The following SAMD12 variants were observed in gnomAD, a reference collection of about 807,000 sequenced individuals.
SAMD12 encodes sterile alpha motif domain containing 12.
In SAMD12, 9 loss-of-function variants were observed where a neutral mutation model predicts 15.0. The observed-to-expected ratio is 0.60, with a 90% CI of 0.36 to 1.05. The LOEUF (loss-of-function observed/expected upper bound fraction) is 1.05, where lower values mean the gene tolerates loss of function less well. Among genes scored for constraint, SAMD12 ranks in the 50% least tolerant of loss-of-function variants. The probability of loss-of-function intolerance (pLI) is 0.01; values close to 1 mark genes in which losing one functional copy is unlikely to be tolerated. For synonymous variants in SAMD12, 86 were observed against 90.1 expected, an observed-to-expected ratio of 0.96 and a Z score of 0.25; for missense variants, 230 against 234.2, an observed-to-expected ratio of 0.98 and a Z score of 0.12.
intron 4 of SAMD12, among the ~76,000 whole-genome samples, chr8:118,355,792 A>G (rs549627055): frequency 6.6e-6 from 1 of 152,346 alleles, no homozygotes; most frequent in Admixed American, 6.5e-5. Context: ...GCTTATATAT[A>G]CCACCCACTA....
At chr8:118,272,730 T>C (rs1813394910) in intron 4 of SAMD12, among the ~76,000 whole-genome samples, 2 of 152,216 alleles carry the variant, frequency 1.3e-5, no homozygotes, top group Non-Finnish European at 2.9e-5. Context: ...TCCCTTTACA[T>C]AGCAAGAGTC....
the SAMD12 span, among the ~76,000 whole-genome samples, chr8:118,170,083 A>G: frequency 6.6e-6 from 1 of 152,172 alleles, no homozygotes; most frequent in Admixed American, 6.5e-5. Context: ...TATATGCATC[A>G]TACATAGGGT....
At chr8:118,299,047 T>G (rs1360667641) in intron 4 of SAMD12, among the ~76,000 whole-genome samples, 4 of 152,198 alleles carry the variant, frequency 2.6e-5, no homozygotes, top group African/African-American at 9.6e-5. Flanking sequence ...GTACATGTTC[T>G]TATATCTGGG....
chr8:118,384,073 GAA>G (rs1819820303), intron 3 of SAMD12, among the ~76,000 whole-genome samples: 2 of 152,164 alleles, frequency 1.3e-5, no homozygotes, highest in Non-Finnish European at 2.9e-5. Flanking sequence ...GTTAGGATAG[GAA>G]AGGCCTCTCT....
At chr8:118,601,292 C>G (rs1827860488) in intron 1 of SAMD12, among the ~76,000 whole-genome samples, 1 of 152,030 alleles carries the variant, frequency 6.6e-6, no homozygotes, top group Non-Finnish European at 1.5e-5. Flanking sequence ...GTATCTTACT[C>G]TAGGATATTA....
intron 2 of SAMD12, among the ~76,000 whole-genome samples, chr8:118,565,514 A>C (rs553221255): frequency 6.6e-6 from 1 of 152,334 alleles, no homozygotes; most frequent in African/African-American, 2.4e-5. Flanking sequence ...GACCAGCAGA[A>C]AACCCCTTGG....
At chr8:118,271,974 G>T (rs1813364428) in intron 4 of SAMD12, among the ~76,000 whole-genome samples, 1 of 152,166 alleles carries the variant, frequency 6.6e-6, no homozygotes, top group Non-Finnish European at 1.5e-5. Context: ...ACAATTCTGA[G>T]GTCTGTAGGA....
At chr8:118,300,900 C>T (rs948171225) in intron 4 of SAMD12, among the ~76,000 whole-genome samples, 1 of 152,190 alleles carries the variant, frequency 6.6e-6, no homozygotes, top group African/African-American at 2.4e-5. Flanking sequence ...GTAAACACAT[C>T]TTACCTATTT....
At chr8:118,484,153 A>C (rs1824211059) in intron 2 of SAMD12, among the ~76,000 whole-genome samples, 1 of 152,212 alleles carries the variant, frequency 6.6e-6, no homozygotes, top group African/African-American at 2.4e-5. Context: ...ACATCAATGA[A>C]GTCAATTATG....
At chr8:118,332,189 G>T (rs1235165343) in intron 4 of SAMD12, among the ~76,000 whole-genome samples, 1 of 152,182 alleles carries the variant, frequency 6.6e-6, no homozygotes, top group Non-Finnish European at 1.5e-5. Context: ...CTCCTGAAAG[G>T]CTGAAAGTGT....
chr8:118,438,362 A>G (rs1026039314), intron 3 of SAMD12, among the ~76,000 whole-genome samples: 2 of 152,140 alleles, frequency 1.3e-5, no homozygotes, highest in Non-Finnish European at 2.9e-5. Context: ...GCAGGAATCT[A>G]GGATCATCTA....
Position 118,385,892 on chromosome 8 carries a change from T to C in SAMD12, c.323-6192A>G, listed in dbSNP as rs565053142. 5.3e-5 allele frequency among the ~76,000 whole-genome samples: 8 copies of C among 152,274 alleles called. 1 individual carries two copies. In the South Asian group the frequency reaches 1.7e-3, roughly 32 times the overall value. ...AAACAAGAAGAAGAAACTGAACATA[T>C]AGAGGGAAGAGGCTCCATTTCATTG... On this transcript the variant is annotated intron_variant, in intron 3 of 3. Coordinates refer to ENST00000314727, the MANE Select transcript of SAMD12 (RefSeq NM_207506.3).
intron 1 of SAMD12, among the ~76,000 whole-genome samples, chr8:118,607,785 T>C (rs1358865481): frequency 6.6e-6 from 1 of 152,198 alleles, no homozygotes; most frequent in Non-Finnish European, 1.5e-5. Context: ...ACTCCTTATC[T>C]ATCCTACCCA....
At chr8:118,474,507 A>C (rs1823899582) in intron 2 of SAMD12, among the ~76,000 whole-genome samples, 1 of 151,648 alleles carries the variant, frequency 6.6e-6, no homozygotes, top group Admixed American at 6.6e-5. Flanking sequence ...CAGCCTCCCG[A>C]GTAGCTGGGA....
chr8:118,175,972 C>A, the SAMD12 span, among the ~76,000 whole-genome samples: 1 of 152,066 alleles, frequency 6.6e-6, no homozygotes, highest in African/African-American at 2.4e-5. Flanking sequence ...ACCATTTGAC[C>A]CAGCAATCCC....
chr8:118,358,079 T>G (rs928576324), intron 4 of SAMD12, among the ~76,000 whole-genome samples: 9 of 152,172 alleles, frequency 5.9e-5, no homozygotes, highest in African/African-American at 2.2e-4. Flanking sequence ...CAGGAGGTCA[T>G]GGCTGCAGTG....
chr8:118,428,698 T>C (rs1409699781), intron 3 of SAMD12, among the ~76,000 whole-genome samples: 1 of 152,156 alleles, frequency 6.6e-6, no homozygotes, highest in East Asian at 1.9e-4. Flanking sequence ...AGACTACCCT[T>C]TCTCTCGTTG....
At chr8:118,335,865 T>G (rs969958160) in intron 4 of SAMD12, among the ~76,000 whole-genome samples, 2 of 152,116 alleles carry the variant, frequency 1.3e-5, no homozygotes, top group African/African-American at 4.8e-5. Flanking sequence ...GCCTCCCTAG[T>G]AGCTGGGACA....
intron 4 of SAMD12, among the ~76,000 whole-genome samples, chr8:118,241,246 C>G (rs2514973): frequency 0.12 from 18,252 of 152,044 alleles, 1,725 homozygotes; most frequent in East Asian, 0.5. Flanking sequence ...CTTCTTGGCC[C>G]AATGGTTCAT....
Sources: allele counts gnomAD v4.1 joint callset (sites outside exome capture counted in the v4.1 genomes callset), GRCh38; gene constraint gnomAD v4.1.1; transcripts MANE v1.5; gene names NCBI Gene and HGNC (gene_info 2026-07-23, HGNC 2026-07-21).